Variants in CSMD1 observed in about 807,000 individuals in gnomAD.
CSMD1 encodes CUB and sushi domain-containing protein 1.
A neutral mutation model predicts 417.5 loss-of-function variants in CSMD1; 213 were observed. The ratio of observed to expected loss-of-function variants is 0.51; its 90% CI spans 0.46 to 0.57. The LOEUF (loss-of-function observed/expected upper bound fraction) is 0.57, where lower values mean the gene tolerates loss of function less well. Among genes scored for constraint, CSMD1 ranks in the 20% least tolerant of loss-of-function variants. The probability of loss-of-function intolerance (pLI) is 0.00; values close to 1 mark genes in which losing one functional copy is unlikely to be tolerated. For synonymous variants in CSMD1, 2,862 were observed against 1,736.8 expected, an observed-to-expected ratio of 1.65 and a Z score of -16.11; for missense variants, 6,923 against 4,529.7, an observed-to-expected ratio of 1.53 and a Z score of -15.17.
At chr8:2,986,901 A>G (rs1805959168) in intron 54 of CSMD1, among the ~76,000 whole-genome samples, 1 of 152,122 alleles carries the variant, frequency 6.6e-6, no homozygotes, top group Admixed American at 6.5e-5. Context: ...GGTTTTTACT[A>G]CAGCAATAGC....
intron 8 of CSMD1, among the ~76,000 whole-genome samples, chr8:3,588,365 G>C (rs189863389): frequency 6.6e-6 from 1 of 152,022 alleles, no homozygotes; most frequent in Non-Finnish European, 1.5e-5. Context: ...TAAATAAAAT[G>C]ACATGAGAGT....
At chr8:4,829,271 T>A (rs1800005077) in intron 1 of CSMD1, among the ~76,000 whole-genome samples, 1 of 152,200 alleles carries the variant, frequency 6.6e-6, no homozygotes, top group Non-Finnish European at 1.5e-5. Context: ...AGTTAGAGTT[T>A]GACAATATTT....
chr8:4,890,789 A>G (rs1193290643), intron 1 of CSMD1, among the ~76,000 whole-genome samples: 1 of 152,146 alleles, frequency 6.6e-6, no homozygotes, highest in East Asian at 1.9e-4. Context: ...GCACCGACCT[A>G]ATACATTCCG....
intron 1 of CSMD1, among the ~76,000 whole-genome samples, chr8:4,948,599 T>A (rs1253605081): frequency 1.3e-5 from 2 of 152,210 alleles, no homozygotes; most frequent in South Asian, 4.1e-4. Flanking sequence ...TTTTCAATGG[T>A]GTCCTTCTCA....
intron 3 of CSMD1, among the ~76,000 whole-genome samples, chr8:4,245,738 T>C (rs1323184155): frequency 1.3e-5 from 2 of 152,172 alleles, no homozygotes; most frequent in Non-Finnish European, 2.9e-5. Flanking sequence ...CACTTCTTGG[T>C]GACTAAGTCA....
At chr8:4,389,617 C>T (rs933494610) in intron 3 of CSMD1, among the ~76,000 whole-genome samples, 5 of 152,142 alleles carry the variant, frequency 3.3e-5, no homozygotes, top group Non-Finnish European at 5.9e-5. Context: ...AACTTCTCTA[C>T]AAATCCCTCC....
rs191414599 is a variant in CSMD1, at chr8:3,961,745, C to T, written c.818+36158G>A. On this transcript the variant is annotated intron_variant, in intron 5 of 69. Transcript: ENST00000635120. ...AGCATTTCCTGCGTATGTAGTAAAG[C>T]CCGGTCTTTCATGATGAAGGCATCA... is the stretch of plus-strand genomic sequence containing the variant. Among the ~76,000 whole-genome samples, 116 of 152,246 alleles carry T rather than the reference C, an allele frequency of 7.6e-4. 1 individual carries two copies. The highest frequency in any genetic ancestry group is 1.6e-4 in the Non-Finnish European group (11 of 68,026).
At chr8:3,188,202 A>C (rs1403583583) in intron 35 of CSMD1, among the ~76,000 whole-genome samples, 1 of 133,696 alleles carries the variant, frequency 7.5e-6, no homozygotes, top group Non-Finnish European at 1.6e-5. Context: ...CTTAATCATG[A>C]AAATCATCTA....
chr8:4,430,957 C>T (rs948839618), intron 2 of CSMD1, among the ~76,000 whole-genome samples: 4 of 152,114 alleles, frequency 2.6e-5, no homozygotes, highest in African/African-American at 9.7e-5. Context: ...ATTTTTATAT[C>T]AAGATGTCCT....
chr8:4,754,313 A>C (rs1811531252), intron 1 of CSMD1, among the ~76,000 whole-genome samples: 1 of 152,212 alleles, frequency 6.6e-6, no homozygotes, highest in South Asian at 2.1e-4. Context: ...GAGAAAGTAG[A>C]ATTTGACCAA....
intron 10 of CSMD1, 49 bp downstream of exon 10, chr8:3,574,896 A>C (rs192911859): frequency 6.3e-7 from 1 of 1,598,056 alleles, no homozygotes; most frequent in Non-Finnish European, 8.5e-7. Flanking sequence ...AATAGATCCT[A>C]TAAGAGTGCT....
At chr8:4,457,656 G>A (rs1196478715) in intron 2 of CSMD1, among the ~76,000 whole-genome samples, 3 of 152,126 alleles carry the variant, frequency 2.0e-5, no homozygotes, top group Non-Finnish European at 4.4e-5. Context: ...ATAGCATGAT[G>A]TTAAGCTCAG....
At chr8:4,273,422 A>T (rs1171135549) in intron 3 of CSMD1, among the ~76,000 whole-genome samples, 1 of 152,168 alleles carries the variant, frequency 6.6e-6, no homozygotes, top group Non-Finnish European at 1.5e-5. Flanking sequence ...GCTCAGGTCA[A>T]TTATACTTTT....
chr8:3,852,142 C>T (rs1217876850), intron 5 of CSMD1, among the ~76,000 whole-genome samples: 1 of 152,106 alleles, frequency 6.6e-6, no homozygotes, highest in Non-Finnish European at 1.5e-5. Flanking sequence ...TACAAATACT[C>T]TATAAGAATA....
At chr8:4,516,945 T>C (rs909608388) in intron 2 of CSMD1, among the ~76,000 whole-genome samples, 11 of 152,196 alleles carry the variant, frequency 7.2e-5, no homozygotes, top group African/African-American at 2.4e-4. Context: ...ATTAATTTCA[T>C]GTGCTATTAC....
At chr8:4,417,562 T>A (rs1797012924) in intron 3 of CSMD1, among the ~76,000 whole-genome samples, 1 of 152,066 alleles carries the variant, frequency 6.6e-6, no homozygotes, top group Non-Finnish European at 1.5e-5. Flanking sequence ...TCATTTTATA[T>A]CTAAATCCAG....
intron 22 of CSMD1, among the ~76,000 whole-genome samples, chr8:3,345,012 G>C (rs532811028): frequency 2.6e-5 from 4 of 152,166 alleles, no homozygotes; most frequent in African/African-American, 9.7e-5. Flanking sequence ...TAATTCCAGA[G>C]GAATCTGGGT....
intron 37 of CSMD1, among the ~76,000 whole-genome samples, chr8:3,169,750 T>C (rs1291588002): frequency 1.3e-5 from 2 of 152,154 alleles, no homozygotes; most frequent in Admixed American, 6.5e-5. Flanking sequence ...ACCTGTGAGA[T>C]ATAGCACGGT....
rs1563258554 is a variant in CSMD1 at position 3,311,050 on chromosome 8, T to TCAAGAG, written c.3632-2548_3632-2547insCTCTTG. Among the ~76,000 whole-genome samples the TCAAGAG allele has an allele frequency of 1.3e-4, 20 of 152,094 alleles. No individual in the cohort carries two copies. The East Asian group carries it at 2.5e-3, about 19-fold the overall frequency. Reference sequence around the variant, plus strand: ...ATGAGGTTACGTCCCAATAAACCCATTAAGAGTGGGAAATACCTTAAGCAG... The same window carrying TCAAGAG: ...ATGAGGTTACGTCCCAATAAACCCATCAAGAGTAAGAGTGGGAAATACCTTAAGCAG... On this transcript the variant is annotated intron_variant, in intron 23 of 69. Transcript: ENST00000635120.
Sources: gnomAD v4.1 joint callset for allele counts (sites outside exome capture counted in the v4.1 genomes callset) on GRCh38, gnomAD v4.1.1 for gene constraint, MANE v1.5 for transcripts, NCBI Gene and HGNC (gene_info 2026-07-23, HGNC 2026-07-21) for gene names.